The following WDR70 variants were observed in gnomAD, a reference collection of about 807,000 sequenced individuals.
WDR70 encodes WD repeat domain 70, also known as WD repeat-containing protein 70.
WDR70 carries 53 observed loss-of-function variants against 88.6 expected under a neutral mutation model. The observed-to-expected ratio is 0.60, with a 90% CI of 0.48 to 0.75. The LOEUF (loss-of-function observed/expected upper bound fraction) is 0.75, where lower values mean the gene tolerates loss of function less well. WDR70 is among the 30% of genes least tolerant of loss of function. The pLI is 0.00. For missense variants in WDR70, 610 were observed against 823.2 expected, an observed-to-expected ratio of 0.74 and a Z score of 3.17; for synonymous variants, 280 against 270.0, an observed-to-expected ratio of 1.04 and a Z score of -0.36.
intron 17 of WDR70, among the ~76,000 whole-genome samples, chr5:37,729,024 T>C (rs533962324): frequency 1.6e-4 from 24 of 152,300 alleles, no homozygotes; most frequent in Admixed American, 3.9e-4. Flanking sequence ...TAAATTCCAA[T>C]ACTATCATTT....
At chr5:37,730,442 T>C (rs531516472) in intron 17 of WDR70, among the ~76,000 whole-genome samples, 412 of 20,784 alleles carry the variant, frequency 0.02, 5 homozygotes, top group African/African-American at 0.048. Flanking sequence ...TTAAGTCATA[T>C]TGATTTGCTT....
intron 10 of WDR70, among the ~76,000 whole-genome samples, chr5:37,652,854 G>T (rs1361682710): frequency 2.6e-5 from 4 of 152,154 alleles, no homozygotes; most frequent in Non-Finnish European, 5.9e-5. Context: ...AGATGATGGG[G>T]TTTTTTAAAT....
In WDR70 at chr5:37,647,385, G is replaced by C. The variant is rs139397555; in HGVS notation, c.1092+42147G>C. Among the ~76,000 whole-genome samples the C allele has an allele frequency of 2.6e-4, 39 of 152,276 alleles. No individual in the cohort carries two copies. In the East Asian group the frequency reaches 6.9e-3, roughly 27 times the overall value. ...TGTTCCCTGGTGCCTTACTTAGTTTGTTTGGTAAGGCAATGTTTTCCTGGG... is the reference window on the plus strand; with the variant it reads ...TGTTCCCTGGTGCCTTACTTAGTTTCTTTGGTAAGGCAATGTTTTCCTGGG... On this transcript the variant is annotated intron_variant, in intron 10 of 17. Transcript: ENST00000265107.
chr5:37,392,804 C>G (rs762814790), intron 4 of WDR70, among the ~76,000 whole-genome samples: 3 of 151,808 alleles, frequency 2.0e-5, no homozygotes, highest in Non-Finnish European at 4.4e-5. Flanking sequence ...GCCACCATGC[C>G]CTGCTAATTT....
chr5:37,455,815 GTC>G (rs1402570763), intron 7 of WDR70, among the ~76,000 whole-genome samples: 2 of 151,852 alleles, frequency 1.3e-5, no homozygotes, highest in Non-Finnish European at 2.9e-5. Flanking sequence ...AATGCATACA[GTC>G]ATAGTCATAC....
intron 9 of WDR70, among the ~76,000 whole-genome samples, chr5:37,592,515 T>TATC (rs1210808073): frequency 6.6e-6 from 1 of 152,238 alleles, no homozygotes; most frequent in Admixed American, 6.5e-5. Flanking sequence ...AGAATACGTG[T>TATC]ATCAACTGTT....
chr5:37,743,078 G>A (rs1380048930), intron 17 of WDR70, among the ~76,000 whole-genome samples: 1 of 152,236 alleles, frequency 6.6e-6, no homozygotes, highest in East Asian at 1.9e-4. Flanking sequence ...TAATAAGCAT[G>A]TGAATCCTTC....
rs1186147589 is a variant in WDR70 at position 37,712,561 on chromosome 5, A to G, written c.1417-8554A>G. Among the ~76,000 whole-genome samples the G allele has an allele frequency of 5.3e-5, 8 of 152,256 alleles. No homozygotes were observed. In the East Asian group the frequency reaches 1.4e-3, roughly 26 times the overall value. On this transcript the variant is annotated intron_variant, in intron 13 of 17. Transcript: ENST00000265107. ...TACTCTGTGCTTTGAAGCAAAAGTT[A>G]TTTGTTTGAATTTGACACTTTATTT...
intron 10 of WDR70, among the ~76,000 whole-genome samples, chr5:37,613,026 A>G (rs1306545662): frequency 6.6e-6 from 1 of 152,238 alleles, no homozygotes; most frequent in Non-Finnish European, 1.5e-5. Context: ...TCATAGAGTT[A>G]TATAAGTTTT....
In WDR70 at chr5:37,697,668, T is replaced by C. The variant is rs1462741115; in HGVS notation, c.1106T>C (p.Phe369Ser). The change falls in exon 11 of 18, where the codon TTC becomes TCC. Residue 369 changes from phenylalanine to serine, a missense_variant. Transcript: ENST00000265107. ...CTTTGTGAATAGGTTCATCCTAAGT[T>C]CCACTATAAACAGGCTCATGACTCG... ...WDRNLTVHPK[F>S]HYKQAHDSGT... 1.2e-6 allele frequency: 2 copies of C among 1,613,654 alleles called. No individual in the cohort carries two copies. Among genetic ancestry groups the C allele is most frequent in the Non-Finnish European group, 1.7e-6 (2 of 1,179,720 alleles).
intron 9 of WDR70, among the ~76,000 whole-genome samples, chr5:37,579,447 G>A (rs59493021): frequency 0.16 from 24,196 of 151,700 alleles, 2,031 homozygotes; most frequent in South Asian, 0.26. Flanking sequence ...AGCTGGGCGT[G>A]GTGGTGGGTG....
intron 9 of WDR70, among the ~76,000 whole-genome samples, chr5:37,535,654 G>C (rs1314476394): frequency 6.6e-6 from 1 of 152,180 alleles, no homozygotes; most frequent in Non-Finnish European, 1.5e-5. Context: ...ATTTTCCAGT[G>C]AGGTAACATT....
At chr5:37,702,252 T>C (rs151095867) in intron 12 of WDR70, among the ~76,000 whole-genome samples, 59 of 152,382 alleles carry the variant, frequency 3.9e-4, no homozygotes, top group African/African-American at 1.4e-3. Context: ...TGAGCTATTA[T>C]ACCTGCTACA....
chr5:37,455,786 A>C (rs1328365996), intron 7 of WDR70, among the ~76,000 whole-genome samples: 1 of 151,798 alleles, frequency 6.6e-6, no homozygotes, highest in Non-Finnish European at 1.5e-5. Context: ...TTATTTGTAC[A>C]GTTCTATGAA....
intron 4 of WDR70, among the ~76,000 whole-genome samples, chr5:37,392,395 G>T (rs1239622485): frequency 6.6e-6 from 1 of 151,694 alleles, no homozygotes; most frequent in African/African-American, 2.4e-5. Flanking sequence ...TATCGGCCAG[G>T]GTGGTCTCGA....
chr5:37,736,415 A>G (rs1477019858), intron 17 of WDR70, among the ~76,000 whole-genome samples: 1 of 152,182 alleles, frequency 6.6e-6, no homozygotes, highest in Non-Finnish European at 1.5e-5. Context: ...GGCAATATTT[A>G]AAGAAGCCAC....
At chr5:37,410,169 G>A (rs1749479201) in intron 5 of WDR70, among the ~76,000 whole-genome samples, 1 of 147,988 alleles carries the variant, frequency 6.8e-6, no homozygotes, top group African/African-American at 2.5e-5. Context: ...GCGAATGTGA[G>A]TCCACCCAGC....
chr5:37,506,598 T>G (rs1418054586), intron 8 of WDR70: 4 of 776,196 alleles, frequency 5.2e-6, no homozygotes, highest in Non-Finnish European at 9.6e-6. Context: ...CCACTCTGTG[T>G]GGAATCCTAA....
intron 17 of WDR70, among the ~76,000 whole-genome samples, chr5:37,750,702 C>T (rs759150322): frequency 4.6e-5 from 7 of 152,110 alleles, no homozygotes; most frequent in Non-Finnish European, 1.0e-4. Context: ...GGACAGTTCC[C>T]CTGCACACAC....
Sources: allele counts gnomAD v4.1 joint callset (sites outside exome capture counted in the v4.1 genomes callset), GRCh38; gene constraint gnomAD v4.1.1; transcripts MANE v1.5; gene names NCBI Gene and HGNC (gene_info 2026-07-23, HGNC 2026-07-21).